Variants in DECR1 observed in about 807,000 individuals in gnomAD.
The protein encoded by DECR1 is 2,4-dienoyl-CoA reductase 1, also known as 2,4-dienoyl-CoA reductase [(3E)-enoyl-CoA-producing], mitochondrial.
DECR1 carries 44 observed loss-of-function variants against 38.8 expected under a neutral mutation model. That is an observed-to-expected ratio of 1.13 (90% CI 0.89 to 1.46). DECR1 has a LOEUF of 1.46. DECR1 is among the 40% of genes most tolerant of loss of function. The pLI, the probability that DECR1 is intolerant of heterozygous loss-of-function variation, is 0.00. For synonymous variants in DECR1, 148 were observed against 135.2 expected (o/e 1.09, Z -0.66); for missense variants, 428 against 405.5 (o/e 1.06, Z -0.48).
At chr8:90,003,741 A>G (rs1228505796) in intron 1 of DECR1, among the ~76,000 whole-genome samples, 2 of 152,188 alleles carry the variant, frequency 1.3e-5, no homozygotes, top group African/African-American at 4.8e-5. Flanking sequence ...AGAGATCAAG[A>G]CTATCCTGGC....
chr8:90,040,540 A>T (rs1813732603), intron 6 of DECR1, among the ~76,000 whole-genome samples: 1 of 152,180 alleles, frequency 6.6e-6, no homozygotes, highest in South Asian at 2.1e-4. Context: ...TTTGTTACAT[A>T]GGTATACATG....
intron 4 of DECR1, 58 bp downstream of exon 4, chr8:90,019,230 C>A: frequency 2.3e-6 from 3 of 1,323,882 alleles, no homozygotes; most frequent in Non-Finnish European, 3.3e-6. Flanking sequence ...TAACACCCAC[C>A]AACATGTACA....
chr8:90,043,810 C>G (rs1813822071), intron 7 of DECR1, among the ~76,000 whole-genome samples: 1 of 152,132 alleles, frequency 6.6e-6, no homozygotes, highest in South Asian at 2.1e-4. Flanking sequence ...TACATTAAAA[C>G]ACATGATTCA....
chr8:90,018,242 A>G (rs1813059815), intron 2 of DECR1, among the ~76,000 whole-genome samples: 1 of 152,200 alleles, frequency 6.6e-6, no homozygotes, highest in South Asian at 2.1e-4. Context: ...TGTTATTGTG[A>G]TGAATATAGG....
intron 8 of DECR1, among the ~76,000 whole-genome samples, chr8:90,051,065 C>G (rs932631639): frequency 2.6e-5 from 4 of 151,762 alleles, no homozygotes; most frequent in African/African-American, 9.7e-5. Flanking sequence ...AGCAGATATA[C>G]CTAATGTAAA....
intron 5 of DECR1, among the ~76,000 whole-genome samples, chr8:90,034,895 A>G (rs865825250): frequency 1.3e-5 from 2 of 152,180 alleles, no homozygotes; most frequent in Admixed American, 6.6e-5. Flanking sequence ...ATATTTACCT[A>G]CATATTTACT....
rs1338948195 is a variant in DECR1 at position 90,021,006 on chromosome 8, C to T, written c.515C>T (p.Thr172Ile). The T allele has an allele frequency of 6.3e-6, 10 of 1,596,328 alleles. No individual in the cohort carries two copies. The South Asian group carries it at 1.0e-4, about 16-fold the overall frequency. ...KTITDIVLNG[T>I]AFVTLEIGKQ... Reference sequence around the variant, plus strand: ...ATAACTGACATAGTTCTAAATGGCACAGCCTTCGTGACACTAGAAATTGGA... The same window carrying T: ...ATAACTGACATAGTTCTAAATGGCATAGCCTTCGTGACACTAGAAATTGGA... The change falls in exon 5 of 10, where the codon ACA (threonine) becomes ATA (isoleucine). Residue 172 changes from threonine to isoleucine, a missense_variant. Transcript: ENST00000220764.
At position 90,002,829 on chromosome 8, in the gene DECR1, G is replaced by A. The variant is rs1805852; in HGVS notation, c.69+1268G>A. Among the ~76,000 whole-genome samples, 9 of 152,170 alleles carry A rather than the reference G, an allele frequency of 5.9e-5. No individual in the cohort carries two copies. In the South Asian group the frequency reaches 1.9e-3, roughly 32 times the overall value. On this transcript the variant is annotated intron_variant, in intron 1 of 9. Coordinates refer to ENST00000220764, the MANE Select transcript of DECR1 (RefSeq NM_001359.2). Reference sequence around the variant, plus strand: ...TGGGTTATAGATCATTATAAAGGAAGCCCATATTTTCTGATACTTTTCAGA... The same window carrying A: ...TGGGTTATAGATCATTATAAAGGAAACCCATATTTTCTGATACTTTTCAGA...
At chr8:90,019,410 A>C (rs2130055571) in intron 4 of DECR1, among the ~76,000 whole-genome samples, 1 of 152,366 alleles carries the variant, frequency 6.6e-6, no homozygotes, top group East Asian at 1.9e-4. Context: ...CTGTTCCTTC[A>C]GAGCAGGGCA....
intron 5 of DECR1, among the ~76,000 whole-genome samples, chr8:90,031,525 C>T (rs1176834808): frequency 1.3e-5 from 2 of 151,904 alleles, no homozygotes; most frequent in Non-Finnish European, 2.9e-5. Flanking sequence ...AAAGTGTTTC[C>T]TTAGTAGATA....
chr8:90,042,825 A>G, intron 7 of DECR1, 25 bp downstream of exon 7: 1 of 1,577,066 alleles, frequency 6.3e-7, no homozygotes, highest in Admixed American at 1.7e-5. Flanking sequence ...GCTTGTTATC[A>G]CATTGTGAAT....
chr8:90,052,131 G>T lies in DECR1; in HGVS notation c.*234G>T. 1 of 481,578 alleles carries T rather than the reference G, an allele frequency of 2.1e-6. No individual in the cohort carries two copies. The highest frequency in any genetic ancestry group is 2.9e-5 in the South Asian group (1 of 34,590). The allele number at this position is 481,578 out of a possible 1,614,324, so 29.8% of individuals were successfully genotyped here. ...GGAGGCATGGGGAGAGTAGGTAAAG[G>T]CTCCTCTTTACCTATTGATAGAGGT... On this transcript the variant is annotated 3_prime_UTR_variant, in exon 10 of 10. Transcript: ENST00000220764.
chr8:90,003,425 C>A (rs892917956), intron 1 of DECR1, among the ~76,000 whole-genome samples: 4 of 151,910 alleles, frequency 2.6e-5, no homozygotes, highest in Non-Finnish European at 4.4e-5. Flanking sequence ...CTGTGCTATG[C>A]CCTGGGACTC....
intron 8 of DECR1, among the ~76,000 whole-genome samples, chr8:90,046,400 C>T (rs891698829): frequency 2.0e-5 from 3 of 152,164 alleles, no homozygotes; most frequent in Non-Finnish European, 4.4e-5. Flanking sequence ...CATGAACAAG[C>T]TTCAGTAGCT....
intron 5 of DECR1, among the ~76,000 whole-genome samples, chr8:90,033,095 C>G (rs1299014137): frequency 6.6e-6 from 1 of 152,106 alleles, no homozygotes; most frequent in African/African-American, 2.4e-5. Flanking sequence ...GTTTCTGAGC[C>G]CAGGTGTCTA....
Position 90,052,112 on chromosome 8 carries a change from A to C in DECR1, c.*215A>C. 2 of 513,666 alleles carry C rather than the reference A, an allele frequency of 3.9e-6. No homozygotes were observed. Among genetic ancestry groups the C allele is most frequent in the Non-Finnish European group, 6.8e-6 (2 of 294,008 alleles). 31.8% of individuals were successfully genotyped at this position (513,666 alleles called of 1,614,324 possible). A position where few individuals can be genotyped will look rare whatever the true frequency, so the allele number is the denominator to read the frequency against. On this transcript the variant is annotated 3_prime_UTR_variant, in exon 10 of 10. Coordinates refer to ENST00000220764, the MANE Select transcript of DECR1 (RefSeq NM_001359.2). ...AACATTAAAAAAAAAAAAAGGAGGC[A>C]TGGGGAGAGTAGGTAAAGGCTCCTC...
chr8:90,028,661 T>A (rs968255304), intron 5 of DECR1, among the ~76,000 whole-genome samples: 6 of 152,046 alleles, frequency 3.9e-5, no homozygotes, highest in Non-Finnish European at 8.8e-5. Flanking sequence ...TTTAACCAAA[T>A]TTTCACTTAT....
At chr8:90,006,523 A>G (rs1812744182) in intron 1 of DECR1, among the ~76,000 whole-genome samples, 2 of 152,152 alleles carry the variant, frequency 1.3e-5, no homozygotes, top group African/African-American at 2.4e-5. Flanking sequence ...GGGAGTGGAG[A>G]CAAATGGCTA....
At chr8:90,002,245 G>C (rs1456557668) in intron 1 of DECR1, among the ~76,000 whole-genome samples, 2 of 152,156 alleles carry the variant, frequency 1.3e-5, no homozygotes, top group Admixed American at 1.3e-4. Context: ...TTGTTGTGAG[G>C]AAAGTCCATC....
Sources: allele counts gnomAD v4.1 joint callset (sites outside exome capture counted in the v4.1 genomes callset), GRCh38; gene constraint gnomAD v4.1.1; transcripts MANE v1.5; gene names NCBI Gene and HGNC (gene_info 2026-07-23, HGNC 2026-07-21).